ZNF407: variants seen among roughly 807,000 people sequenced by gnomAD.
ZNF407 encodes the protein zinc finger protein 407.
A neutral mutation model predicts 131.2 loss-of-function variants in ZNF407; 17 were observed. That is an observed-to-expected ratio of 0.13 (90% CI 0.09 to 0.19). ZNF407 has a LOEUF of 0.19. Ranked by LOEUF, ZNF407 falls within the 10% of genes least tolerant of loss-of-function variation. The probability of loss-of-function intolerance (pLI) is 1.00; values close to 1 mark genes in which losing one functional copy is unlikely to be tolerated. For synonymous variants in ZNF407, 1,156 were observed against 1,062.0 expected (o/e 1.09, Z -1.72); for missense variants, 2,681 against 2,830.6 (o/e 0.95, Z 1.20).
intron 8 of ZNF407, among the ~76,000 whole-genome samples, chr18:75,045,523 C>T (rs1245001434): frequency 2.0e-5 from 3 of 152,150 alleles, no homozygotes; most frequent in Non-Finnish European, 4.4e-5. Flanking sequence ...TGAAGCATGC[C>T]AGGCCCATCT....
chr18:74,784,121 A>G (rs1028837062), intron 4 of ZNF407, among the ~76,000 whole-genome samples: 6 of 152,316 alleles, frequency 3.9e-5, no homozygotes, highest in Middle Eastern at 3.4e-3. Context: ...TCTGGGCACA[A>G]CTGTTCTCTA....
At chr18:74,866,134 G>T (rs1971006830) in intron 4 of ZNF407, among the ~76,000 whole-genome samples, 1 of 152,178 alleles carries the variant, frequency 6.6e-6, no homozygotes, top group Non-Finnish European at 1.5e-5. Context: ...AGAATATTAT[G>T]ATTTAGAGCA....
chr18:74,891,502 T>G (rs1005827896), intron 7 of ZNF407, among the ~76,000 whole-genome samples: 2 of 152,252 alleles, frequency 1.3e-5, no homozygotes, highest in African/African-American at 4.8e-5. Flanking sequence ...GCATTAAGTT[T>G]TATGTGAAAG....
At chr18:74,803,684 C>A (rs1241270466) in intron 4 of ZNF407, among the ~76,000 whole-genome samples, 1 of 152,190 alleles carries the variant, frequency 6.6e-6, no homozygotes, top group African/African-American at 2.4e-5. Flanking sequence ...AGAAAACATA[C>A]AAGCTTATTC....
chr18:74,923,932 A>G (rs1310081095), intron 8 of ZNF407, among the ~76,000 whole-genome samples: 1 of 152,116 alleles, frequency 6.6e-6, no homozygotes, highest in Non-Finnish European at 1.5e-5. Flanking sequence ...TATATTCATC[A>G]TAGTCAAAAC....
In ZNF407 at chr18:74,638,026, A is replaced by G. The variant is rs139227492; in HGVS notation, c.4687+2320A>G. ...AAAACTTCGTTTTCATTTCTCCCGC[A>G]TTGGTCTGTCAAAGCTTTTATTTCA... On this transcript the variant is annotated intron_variant, in intron 2 of 8. Coordinates refer to ENST00000299687, the MANE Select transcript of ZNF407 (RefSeq NM_017757.3). Among the ~76,000 whole-genome samples the G allele has an allele frequency of 5.5e-3, 833 of 152,308 alleles. 3 individuals carry two copies. The highest frequency in any genetic ancestry group is 7.2e-3 in the Non-Finnish European group (492 of 68,022).
At chr18:74,623,416 G>A (rs556052844) in intron 1 of ZNF407, among the ~76,000 whole-genome samples, 1 of 152,272 alleles carries the variant, frequency 6.6e-6, no homozygotes, top group South Asian at 2.1e-4. Context: ...GCTGCAGCTC[G>A]CTTCGTAGAT....
At chr18:74,799,973 A>C (rs1319821098) in intron 4 of ZNF407, among the ~76,000 whole-genome samples, 2 of 138,872 alleles carry the variant, frequency 1.4e-5, no homozygotes, top group Non-Finnish European at 3.1e-5. Context: ...TGGTTACCTT[A>C]CATTTTTTCC....
chr18:74,935,358 T>C (rs987510959), intron 8 of ZNF407, among the ~76,000 whole-genome samples: 1 of 152,198 alleles, frequency 6.6e-6, no homozygotes, highest in Non-Finnish European at 1.5e-5. Context: ...ATTGACATTT[T>C]CTTAGAGCAT....
intron 6 of ZNF407, among the ~76,000 whole-genome samples, chr18:74,887,623 T>G (rs1971328138): frequency 6.6e-6 from 1 of 152,174 alleles, no homozygotes; most frequent in Non-Finnish European, 1.5e-5. Flanking sequence ...TTTGTGTGCT[T>G]CTTTCATCTT....
At chr18:74,655,385 G>A (rs1985406335) in intron 3 of ZNF407, among the ~76,000 whole-genome samples, 3 of 151,884 alleles carry the variant, frequency 2.0e-5, no homozygotes, top group Admixed American at 1.3e-4. Context: ...AAAATAATAT[G>A]GATACAAATT....
At chr18:74,678,575 A>AT (rs1452325105) in intron 3 of ZNF407, among the ~76,000 whole-genome samples, 1 of 152,048 alleles carries the variant, frequency 6.6e-6, no homozygotes, top group Non-Finnish European at 1.5e-5. Flanking sequence ...ATTTTCTTTG[A>AT]TTTTGCCCAG....
At chr18:74,744,073 G>C (rs1452231008) in intron 3 of ZNF407, among the ~76,000 whole-genome samples, 1 of 152,112 alleles carries the variant, frequency 6.6e-6, no homozygotes, top group Non-Finnish European at 1.5e-5. Context: ...TTCTTATATA[G>C]GAATTTAGTG....
At chr18:74,610,660 C>G (rs538486579) in intron 1 of ZNF407, among the ~76,000 whole-genome samples, 3 of 152,166 alleles carry the variant, frequency 2.0e-5, no homozygotes, top group Non-Finnish European at 4.4e-5. Flanking sequence ...AACAATTCTG[C>G]TGCCTCTGCC....
chr18:74,865,556 G>C (rs1970998953), intron 4 of ZNF407, among the ~76,000 whole-genome samples: 1 of 152,098 alleles, frequency 6.6e-6, no homozygotes. Context: ...AAGAAACTTA[G>C]TTTAATATTT....
At chr18:75,050,990 A>G (rs754897092) in intron 8 of ZNF407, among the ~76,000 whole-genome samples, 2 of 152,048 alleles carry the variant, frequency 1.3e-5, no homozygotes, top group Non-Finnish European at 2.9e-5. Context: ...TTTTAAAGCA[A>G]TACTTATTAC....
intron 8 of ZNF407, among the ~76,000 whole-genome samples, chr18:75,050,794 G>A (rs368181486): frequency 6.6e-6 from 1 of 152,168 alleles, no homozygotes; most frequent in East Asian, 1.9e-4. Context: ...AGTAAAGGTA[G>A]TCAGTGCCTC....
intron 3 of ZNF407, among the ~76,000 whole-genome samples, chr18:74,693,935 AT>A (rs1311460888): frequency 6.6e-6 from 1 of 151,944 alleles, no homozygotes; most frequent in Non-Finnish European, 1.5e-5. Flanking sequence ...TCTTTCAGTT[AT>A]TTTTTTAACT....
chr18:75,018,279 A>G (rs1973068510), intron 8 of ZNF407, among the ~76,000 whole-genome samples: 1 of 152,058 alleles, frequency 6.6e-6, no homozygotes, highest in Non-Finnish European at 1.5e-5. Context: ...AAAAAACCCA[A>G]GCACCTATAA....
Sources: gnomAD v4.1 joint callset for allele counts (sites outside exome capture counted in the v4.1 genomes callset) on GRCh38, gnomAD v4.1.1 for gene constraint, MANE v1.5 for transcripts, NCBI Gene and HGNC (gene_info 2026-07-23, HGNC 2026-07-21) for gene names.